NRG2: variants seen among roughly 807,000 people sequenced by gnomAD.
NRG2 encodes the protein pro-neuregulin-2, membrane-bound isoform.
A neutral mutation model predicts 73.9 loss-of-function variants in NRG2; 27 were observed. That is an observed-to-expected ratio of 0.37 (90% CI 0.27 to 0.50). The LOEUF (loss-of-function observed/expected upper bound fraction) is 0.50, where lower values mean the gene tolerates loss of function less well. Ranked by LOEUF, NRG2 falls within the 20% of genes least tolerant of loss-of-function variation. The probability of loss-of-function intolerance (pLI) is 0.96; values close to 1 mark genes in which losing one functional copy is unlikely to be tolerated. For synonymous variants in NRG2, 532 were observed against 541.0 expected, an observed-to-expected ratio of 0.98 and a Z score of 0.23; for missense variants, 1,126 against 1,210.1, an observed-to-expected ratio of 0.93 and a Z score of 1.03.
At chr5:140,024,293 C>T (rs1296817180) in intron 1 of NRG2, among the ~76,000 whole-genome samples, 1 of 148,338 alleles carries the variant, frequency 6.7e-6, no homozygotes, top group Non-Finnish European at 1.5e-5. Flanking sequence ...CTCGCTTTGT[C>T]GCCCAGGCTG....
chr5:139,851,662 T>C lies in NRG2; in HGVS notation c.1714A>G (p.Thr572Ala), dbSNP rs1027887478. ...ACGGAATCGTGATAGGGTGGCGCGG[T>C]GGCCCTGCGCCGCTCCTCCAGGTTG... ...AYNLEERRRA[T>A]APPYHDSVDS... The change falls in exon 9 of 10, where the codon ACC becomes GCC. Residue 572 changes from threonine to alanine, a missense_variant. By Grantham distance (58) the Thr-to-Ala change is moderately conservative (BLOSUM62 0). Transcript: ENST00000361474. This position sits in a 1 kb window ranked among gnomAD's most constrained non-coding sequence, Gnocchi z 4.2. The C allele has an allele frequency of 2.5e-6, 4 of 1,613,980 alleles. No homozygotes were observed. In the African/African-American group the frequency reaches 5.3e-5, roughly 22 times the overall value.
chr5:139,936,057 A>T (rs1752834213), intron 1 of NRG2, among the ~76,000 whole-genome samples: 2 of 152,036 alleles, frequency 1.3e-5, no homozygotes, highest in Non-Finnish European at 1.5e-5. Context: ...AATTTATAGA[A>T]TTAAACTCTT....
intron 6 of NRG2, among the ~76,000 whole-genome samples, 159 bp downstream of exon 6, chr5:139,855,517 C>T (rs929934377): frequency 3.3e-5 from 5 of 152,174 alleles, no homozygotes; most frequent in South Asian, 2.1e-4. Flanking sequence ...ATCTTTGGCT[C>T]GACACCCACC....
intron 1 of NRG2, among the ~76,000 whole-genome samples, chr5:139,888,971 T>C (rs906301230): frequency 2.0e-5 from 3 of 152,222 alleles, no homozygotes; most frequent in African/African-American, 4.8e-5. Context: ...CCAGGCTCTA[T>C]GTATTCTTTC....
intron 1 of NRG2, among the ~76,000 whole-genome samples, chr5:139,926,124 G>A (rs565898310): frequency 6.6e-6 from 1 of 152,240 alleles, no homozygotes; most frequent in Non-Finnish European, 1.5e-5. Flanking sequence ...CACAGGAAGA[G>A]AGCAGAAGTA....
rs569793195 is a variant in NRG2, at chr5:139,984,892, C to T, written c.700+57478G>A. Among the ~76,000 whole-genome samples, 5 of 152,240 alleles carry T rather than the reference C, an allele frequency of 3.3e-5. No individual in the cohort carries two copies. In the East Asian group the frequency reaches 9.7e-4, roughly 29 times the overall value. ...TCCACAGATGACTGCTTTTCTATTCCTTATTCATGGTTTACTTTCAGCCCA... is the reference window on the plus strand; with the variant it reads ...TCCACAGATGACTGCTTTTCTATTCTTTATTCATGGTTTACTTTCAGCCCA... On this transcript the variant is annotated intron_variant, in intron 1 of 9. Transcript: ENST00000361474.
chr5:139,989,837 G>A (rs987387761), intron 1 of NRG2, among the ~76,000 whole-genome samples: 5 of 150,476 alleles, frequency 3.3e-5, no homozygotes, highest in African/African-American at 1.2e-4. Context: ...TGCCCAGGCC[G>A]GACTGCAGTG....
At chr5:139,882,714 G>C (rs3777100) in intron 2 of NRG2, among the ~76,000 whole-genome samples, 1 of 152,052 alleles carries the variant, frequency 6.6e-6, no homozygotes, top group African/African-American at 2.4e-5. Flanking sequence ...CGGGGGTGGG[G>C]GTGTTGATGC....
At chr5:139,872,258 A>G (rs1581824688) in intron 3 of NRG2, among the ~76,000 whole-genome samples, 1 of 152,290 alleles carries the variant, frequency 6.6e-6, no homozygotes, top group East Asian at 1.9e-4. Context: ...GCGGTGCAGG[A>G]AAGAGACACC....
chr5:139,850,316 C>T (rs2126995386), intron 9 of NRG2, among the ~76,000 whole-genome samples: 2 of 152,312 alleles, frequency 1.3e-5, no homozygotes, highest in East Asian at 1.9e-4. Flanking sequence ...ATCAGTCTGC[C>T]CCAAATCACA....
At chr5:139,877,045 C>A (rs1218744849) in intron 3 of NRG2, among the ~76,000 whole-genome samples, 3 of 151,974 alleles carry the variant, frequency 2.0e-5, no homozygotes, top group African/African-American at 7.3e-5. Flanking sequence ...CCTATGACAC[C>A]CCAGGTCAAA....
chr5:139,888,435 C>T (rs185197813), intron 1 of NRG2, among the ~76,000 whole-genome samples: 1 of 152,276 alleles, frequency 6.6e-6, no homozygotes, highest in East Asian at 1.9e-4. Flanking sequence ...AGGATGGTGT[C>T]TGATTTTGTG....
intron 3 of NRG2, among the ~76,000 whole-genome samples, chr5:139,874,276 G>A (rs73791217): frequency 0.06 from 9,168 of 152,236 alleles, 737 homozygotes; most frequent in African/African-American, 0.18. Context: ...AGAAGTGAAG[G>A]TGACGTGGAC....
chr5:139,903,282 C>G (rs7707751), intron 1 of NRG2, among the ~76,000 whole-genome samples: 2 of 152,022 alleles, frequency 1.3e-5, no homozygotes, highest in African/African-American at 4.8e-5. Flanking sequence ...GAACGTACTT[C>G]GTTACTTTAA....
intron 1 of NRG2, among the ~76,000 whole-genome samples, chr5:139,968,618 G>A (rs1228760117): frequency 6.6e-6 from 1 of 152,228 alleles, no homozygotes; most frequent in East Asian, 1.9e-4. Flanking sequence ...GCTCCTGAGC[G>A]GCAGCGCCAG....
intron 1 of NRG2, among the ~76,000 whole-genome samples, chr5:140,024,568 T>C (rs1052736101): frequency 1.3e-5 from 2 of 152,180 alleles, no homozygotes; most frequent in Admixed American, 6.5e-5. Flanking sequence ...GTAAAGTGAT[T>C]TTATCACCAA....
At chr5:139,903,525 G>A (rs1765020854) in intron 1 of NRG2, among the ~76,000 whole-genome samples, 1 of 152,174 alleles carries the variant, frequency 6.6e-6, no homozygotes, top group Admixed American at 6.5e-5. Context: ...CGGAGAGGAT[G>A]TGCATGCCCC....
intron 1 of NRG2, among the ~76,000 whole-genome samples, chr5:140,040,779 T>C (rs543921052): frequency 7.9e-5 from 12 of 152,298 alleles, no homozygotes; most frequent in African/African-American, 2.4e-4. Flanking sequence ...TCAAAATACT[T>C]AATAGAATAA....
chr5:139,847,880 G>A lies in NRG2; in HGVS notation c.*37C>T. On this transcript the variant is annotated 3_prime_UTR_variant, in exon 10 of 10. Coordinates refer to ENST00000361474, the MANE Select transcript of NRG2 (RefSeq NM_004883.3). ...GCGGTCTCTGGTCTCCTTAAAGATA[G>A]TGGGGCGGGCGGGGCGGAGGGGCGC... 7.4e-7 allele frequency: 1 copy of A among 1,350,788 alleles called. No individual in the cohort carries two copies. Among genetic ancestry groups the A allele is most frequent in the Non-Finnish European group, 9.5e-7 (1 of 1,047,608 alleles). 83.7% of individuals were successfully genotyped at this position (1,350,788 alleles called of 1,614,324 possible).
Sources: gnomAD v4.1 joint callset for allele counts (sites outside exome capture counted in the v4.1 genomes callset) on GRCh38, gnomAD v4.1.1 for gene constraint, Gnocchi (gnomAD v3.1) non-coding constraint, MANE v1.5 for transcripts, NCBI Gene and HGNC (gene_info 2026-07-23, HGNC 2026-07-21) for gene names.